The following BCKDHB variants were observed in gnomAD, a reference collection of about 807,000 sequenced individuals.
BCKDHB encodes the protein branched chain keto acid dehydrogenase E1 subunit beta.
A neutral mutation model predicts 48.5 loss-of-function variants in BCKDHB; 41 were observed. That is an observed-to-expected ratio of 0.85 (90% CI 0.66 to 1.10). The LOEUF is 1.10. BCKDHB is among the 50% of genes least tolerant of loss of function. The pLI is 0.00. For missense variants in BCKDHB, 496 were observed against 494.2 expected (o/e 1.00, Z -0.03); for synonymous variants, 201 against 174.8 (o/e 1.15, Z -1.18).
intron 9 of BCKDHB, among the ~76,000 whole-genome samples, chr6:80,332,287 A>G (rs1017974419): frequency 2.6e-5 from 4 of 152,206 alleles, no homozygotes; most frequent in African/African-American, 7.2e-5. Flanking sequence ...GTGAGATCCT[A>G]TACTGCACTT....
rs1770724361 is a variant in BCKDHB, at chr6:80,133,311, GC to G, written c.343+4083del. On this transcript the variant is annotated intron_variant, in intron 3 of 9. Coordinates refer to ENST00000320393, the MANE Select transcript of BCKDHB (RefSeq NM_183050.4). ...CAAAGAAGGAATTGCATAATTAGAG[GC>G]AATGCTATAAGAAAAGGAAGAGAGG... 2.0e-5 allele frequency among the ~76,000 whole-genome samples: 3 copies of G among 152,272 alleles called. No individual in the cohort carries two copies. The East Asian group carries it at 5.8e-4, about 29-fold the overall frequency.
the BCKDHB span, among the ~76,000 whole-genome samples, chr6:80,409,548 T>C: frequency 1.4e-4 from 18 of 131,222 alleles, no homozygotes; most frequent in Non-Finnish European, 8.0e-5. Flanking sequence ...ACTTGCTTTA[T>C]AAATCTGGGT....
chr6:80,107,065 T>C (rs868602842), intron 1 of BCKDHB, among the ~76,000 whole-genome samples, 176 bp downstream of exon 1: 8 of 151,848 alleles, frequency 5.3e-5, no homozygotes, highest in Non-Finnish European at 4.4e-5. Context: ...CTTGCTCTAT[T>C]TTTGTGACTG....
intron 3 of BCKDHB, among the ~76,000 whole-genome samples, chr6:80,155,084 C>A (rs949331947): frequency 2.0e-5 from 3 of 152,082 alleles, no homozygotes; most frequent in Admixed American, 1.3e-4. Context: ...TTTAAAAGGA[C>A]TTTAAAAACA....
intron 6 of BCKDHB, among the ~76,000 whole-genome samples, chr6:80,183,101 G>A (rs183435375): frequency 2.2e-4 from 33 of 152,094 alleles, no homozygotes; most frequent in Admixed American, 5.9e-4. Flanking sequence ...AGAAAATTAC[G>A]CTTGTGTTCT....
intron 6 of BCKDHB, among the ~76,000 whole-genome samples, chr6:80,199,009 C>T (rs974539477): frequency 6.6e-6 from 1 of 152,174 alleles, no homozygotes; most frequent in Non-Finnish European, 1.5e-5. Flanking sequence ...GATTTGCCTC[C>T]ACTGTTAGCA....
At chr6:80,245,307 G>A (rs773717100) in intron 8 of BCKDHB, among the ~76,000 whole-genome samples, 3 of 150,516 alleles carry the variant, frequency 2.0e-5, no homozygotes, top group Non-Finnish European at 3.0e-5. Context: ...GGGAACCCAG[G>A]AATTGAAGAA....
At chr6:80,114,692 T>G (rs1201551438) in intron 1 of BCKDHB, among the ~76,000 whole-genome samples, 1 of 152,176 alleles carries the variant, frequency 6.6e-6, no homozygotes, top group African/African-American at 2.4e-5. Flanking sequence ...TTTGCTAAGA[T>G]GGAAAAGATT....
chr6:80,224,588 C>G (rs1171360605), intron 8 of BCKDHB, among the ~76,000 whole-genome samples: 1 of 152,066 alleles, frequency 6.6e-6, no homozygotes, highest in Non-Finnish European at 1.5e-5. Flanking sequence ...TAGAGACGGG[C>G]TTTCGCCATG....
intron 8 of BCKDHB, among the ~76,000 whole-genome samples, chr6:80,240,038 A>T (rs1776314699): frequency 1.3e-5 from 2 of 152,192 alleles, no homozygotes; most frequent in African/African-American, 4.8e-5. Flanking sequence ...AGGTAGCATG[A>T]TGCCTCCAGC....
chr6:80,181,524 G>A (rs1219333513), intron 6 of BCKDHB, among the ~76,000 whole-genome samples: 2 of 152,218 alleles, frequency 1.3e-5, no homozygotes, highest in Non-Finnish European at 2.9e-5. Flanking sequence ...GTCTTGTCTA[G>A]GCTTCCTCAT....
intron 8 of BCKDHB, among the ~76,000 whole-genome samples, chr6:80,241,190 C>T (rs1224688003): frequency 3.3e-5 from 5 of 152,094 alleles, no homozygotes; most frequent in African/African-American, 9.7e-5. Flanking sequence ...GCGATGGATT[C>T]GAACATCCTC....
rs553394786 is a variant in BCKDHB at position 80,334,241 on chromosome 6, A to G, written c.1039-9423A>G. Among the ~76,000 whole-genome samples the G allele has an allele frequency of 2.0e-5, 3 of 152,268 alleles. No individual in the cohort carries two copies. The East Asian group carries it at 5.8e-4, about 29-fold the overall frequency. ...ATTTTATTTCCATTGGATACAAACA[A>G]TAATTACAATTGCTAGATGTGTTTT... On this transcript the variant is annotated intron_variant, in intron 9 of 9. Coordinates refer to ENST00000320393, the MANE Select transcript of BCKDHB (RefSeq NM_183050.4).
chr6:80,154,585 A>G (rs1771947967), intron 3 of BCKDHB, among the ~76,000 whole-genome samples: 1 of 152,140 alleles, frequency 6.6e-6, no homozygotes, highest in South Asian at 2.1e-4. Flanking sequence ...CTAGTAATTG[A>G]TAATAGTAAT....
chr6:80,406,016 T>C, the BCKDHB span, among the ~76,000 whole-genome samples: 10 of 152,132 alleles, frequency 6.6e-5, no homozygotes, highest in East Asian at 1.9e-3. Context: ...TGATGTTCCC[T>C]GCCTAGTGTC....
At chr6:80,235,761 T>C (rs1776123152) in intron 8 of BCKDHB, among the ~76,000 whole-genome samples, 1 of 152,206 alleles carries the variant, frequency 6.6e-6, no homozygotes, top group African/African-American at 2.4e-5. Flanking sequence ...AATCATGGCC[T>C]GGTTCTTGAA....
At chr6:80,299,836 A>T (rs1180727257) in intron 9 of BCKDHB, among the ~76,000 whole-genome samples, 1 of 152,212 alleles carries the variant, frequency 6.6e-6, no homozygotes, top group East Asian at 1.9e-4. Context: ...ACATGGGGAA[A>T]AGGTTAAAAT....
At chr6:80,431,853 G>A in the BCKDHB span, among the ~76,000 whole-genome samples, 5 of 151,988 alleles carry the variant, frequency 3.3e-5, no homozygotes, top group Non-Finnish European at 7.4e-5. Context: ...TCCATGTTTA[G>A]TGCTTCCTTC....
intron 1 of BCKDHB, among the ~76,000 whole-genome samples, chr6:80,121,424 A>T (rs538170792): frequency 7.9e-5 from 12 of 152,064 alleles, no homozygotes; most frequent in Non-Finnish European, 1.5e-4. Flanking sequence ...CTTGATGGGG[A>T]TGGCACTGAA....
Sources: gnomAD v4.1 joint callset for allele counts (sites outside exome capture counted in the v4.1 genomes callset) on GRCh38, gnomAD v4.1.1 for gene constraint, MANE v1.5 for transcripts, NCBI Gene and HGNC (gene_info 2026-07-23, HGNC 2026-07-21) for gene names.